The following SHISAL1 variants were observed in gnomAD, a reference collection of about 807,000 sequenced individuals.
SHISAL1 encodes shisa like 1.
A neutral mutation model predicts 22.6 loss-of-function variants in SHISAL1; 9 were observed. That is an observed-to-expected ratio of 0.40 (90% confidence interval 0.24 to 0.70). SHISAL1 has a LOEUF of 0.70. Among genes scored for constraint, SHISAL1 ranks in the 30% least tolerant of loss-of-function variants. The pLI is 0.39. For missense variants in SHISAL1, 246 were observed against 270.6 expected, an observed-to-expected ratio of 0.91 and a Z score of 0.64; for synonymous variants, 119 against 115.4, an observed-to-expected ratio of 1.03 and a Z score of -0.20.
At position 44,247,012 on chromosome 22, in the gene SHISAL1, G is replaced by C. The variant is rs1005877167; in HGVS notation, c.*2673C>G. 1 of 152,432 alleles carries C rather than the reference G, an allele frequency of 6.6e-6. No individual in the cohort carries two copies. Among genetic ancestry groups the C allele is most frequent in the African/African-American group, 2.4e-5 (1 of 41,440 alleles). The allele number at this position is 152,432 out of a possible 1,614,324, so 9.4% of individuals were successfully genotyped here. On this transcript the variant is annotated 3_prime_UTR_variant, in exon 5 of 5. Coordinates refer to ENST00000381176, the MANE Select transcript of SHISAL1 (RefSeq NM_001099294.2). The stretch of plus-strand genomic sequence containing the variant: ...TATTCCTGAAAAGACCTCTTGCGGG[G>C]AGGGGGGCAGGCAGGAGGAATGTCC...
At chr22:44,317,888 T>C (rs2055568116), upstream of SHISAL1, among the ~76,000 whole-genome samples, 1 of 152,220 alleles carries the variant, frequency 6.6e-6, no homozygotes, top group Non-Finnish European at 1.5e-5. Flanking sequence ...AGTTTGCACT[T>C]TGGAAGCAAC....
At chr22:44,261,077 T>TATATATATATA (rs1555925738) in intron 4 of SHISAL1, among the ~76,000 whole-genome samples, 1 of 108,746 alleles carries the variant, frequency 9.2e-6, no homozygotes, top group Non-Finnish European at 1.8e-5. Flanking sequence ...CTTCATTACT[T>TATATATATATA]TATATATATA....
At position 44,282,066 on chromosome 22, in the gene SHISAL1, C is replaced by T. The variant is rs117726083; in HGVS notation, c.599+3362G>A. On this transcript the variant is annotated intron_variant, in intron 4 of 4. Transcript: ENST00000381176. ...GCTGTGTGGGGCTGAGCCACTGCCG[C>T]CAGGGCCTTCAATACTGCTGTTCAG... 8.2e-4 allele frequency among the ~76,000 whole-genome samples: 125 copies of T among 152,350 alleles called. 2 individuals carry two copies. In the East Asian group the frequency reaches 0.02, roughly 25 times the overall value.
intron 4 of SHISAL1, among the ~76,000 whole-genome samples, chr22:44,258,364 C>T (rs945685481): frequency 2.0e-5 from 3 of 152,180 alleles, no homozygotes; most frequent in African/African-American, 7.2e-5. Context: ...AGGTTTGTGA[C>T]ACAGCTAAAC....
rs1182673313 is a variant in SHISAL1 at position 44,245,840 on chromosome 22, T to G, written c.*3845A>C. The G allele has an allele frequency of 6.6e-6, 1 of 152,252 alleles. No homozygotes were observed. Among genetic ancestry groups the G allele is most frequent in the Admixed American group, 6.5e-5 (1 of 15,292 alleles). The allele number at this position is 152,252 out of a possible 1,614,324, so 9.4% of individuals were successfully genotyped here. On this transcript the variant is annotated 3_prime_UTR_variant, in exon 5 of 5. Transcript: ENST00000381176. ...ATTCCCAAGTCCTCCTCTTCAGCTC[T>G]GGGCCAAAATTTGACTGAATCTTTC...
In SHISAL1 at chr22:44,244,906, C is replaced by T. The variant is rs2054985617; in HGVS notation, c.*4779G>A. On this transcript the variant is annotated 3_prime_UTR_variant, in exon 5 of 5. Transcript: ENST00000381176. ...CACAACCACCAAAGTTGTTTGCGTGCATTTAAGCACCAGCGTGGGACGTGT... is the reference window on the plus strand; with the variant it reads ...CACAACCACCAAAGTTGTTTGCGTGTATTTAAGCACCAGCGTGGGACGTGT... The T allele has an allele frequency of 1.3e-5, 2 of 152,386 alleles. No homozygotes were observed. Among genetic ancestry groups the T allele is most frequent in the African/African-American group, 4.8e-5 (2 of 41,590 alleles). 9.4% of individuals were successfully genotyped at this position (152,386 alleles called of 1,614,324 possible).
intron 1 of SHISAL1, among the ~76,000 whole-genome samples, chr22:44,306,432 C>T (rs991810617): frequency 5.0e-5 from 7 of 141,388 alleles, no homozygotes; most frequent in African/African-American, 1.8e-4. Flanking sequence ...GGGACCTGGG[C>T]TCAGGGGGCT....
intron 4 of SHISAL1, among the ~76,000 whole-genome samples, chr22:44,251,893 CT>C (rs1287838526): frequency 6.6e-6 from 1 of 152,110 alleles, no homozygotes; most frequent in African/African-American, 2.4e-5. Context: ...CTTATTGCCC[CT>C]GAACCGTATA....
At chr22:44,272,433 G>C (rs181270596) in intron 4 of SHISAL1, among the ~76,000 whole-genome samples, 13 of 152,154 alleles carry the variant, frequency 8.5e-5, no homozygotes, top group African/African-American at 3.1e-4. Flanking sequence ...TCATCTTTCT[G>C]TTCCCAGCAC....
intron 4 of SHISAL1, among the ~76,000 whole-genome samples, chr22:44,276,161 G>A (rs1218975780): frequency 6.6e-6 from 1 of 152,190 alleles, no homozygotes; most frequent in Non-Finnish European, 1.5e-5. Context: ...GGAGGTGGCT[G>A]CTTCTATTTT....
chr22:44,304,238 G>A (rs577007384), intron 1 of SHISAL1, among the ~76,000 whole-genome samples: 1 of 151,846 alleles, frequency 6.6e-6, no homozygotes, highest in South Asian at 2.1e-4. Flanking sequence ...TGGGCAGGCA[G>A]AAAGGAAAGC....
At chr22:44,298,227 T>C (rs2055401377) in intron 2 of SHISAL1, among the ~76,000 whole-genome samples, 1 of 152,236 alleles carries the variant, frequency 6.6e-6, no homozygotes, top group South Asian at 2.1e-4. Flanking sequence ...TAGAGGTTAT[T>C]AGAGAGCCCC....
At chr22:44,323,866 G>T in the SHISAL1 span, among the ~76,000 whole-genome samples, 1 of 152,248 alleles carries the variant, frequency 6.6e-6, no homozygotes, top group African/African-American at 2.4e-5. Flanking sequence ...TAGCAGTGGT[G>T]ATAATAATTC....
intron 4 of SHISAL1, among the ~76,000 whole-genome samples, chr22:44,254,305 T>C (rs764799020): frequency 6.6e-6 from 1 of 151,772 alleles, no homozygotes; most frequent in African/African-American, 2.4e-5. Context: ...AGAAATGGAG[T>C]TAACAGCAAA....
At chr22:44,261,099 A>ATATATATAT (rs2055120697) in intron 4 of SHISAL1, among the ~76,000 whole-genome samples, 1 of 129,568 alleles carries the variant, frequency 7.7e-6, no homozygotes, top group African/African-American at 3.6e-5. Flanking sequence ...ATATATATAT[A>ATATATATAT]CACTATATGG....
At chr22:44,253,215 G>C (rs2055061011) in intron 4 of SHISAL1, among the ~76,000 whole-genome samples, 1 of 151,848 alleles carries the variant, frequency 6.6e-6, no homozygotes, top group African/African-American at 2.4e-5. Flanking sequence ...ATAAATCAGG[G>C]GTCATAATCT....
Position 44,249,086 on chromosome 22 carries a change from C to G in SHISAL1, c.*599G>C, listed in dbSNP as rs1024723836. 3.9e-5 allele frequency: 6 copies of G among 152,066 alleles called. No individual in the cohort carries two copies. The highest frequency in any genetic ancestry group is 1.5e-4 in the African/African-American group (6 of 41,320). The allele number at this position is 152,066 out of a possible 1,614,324, so 9.4% of individuals were successfully genotyped here. A position where few individuals can be genotyped will look rare whatever the true frequency, so the allele number is the denominator to read the frequency against. ...CAGAGGGGCCGTACCCTGTGCTTAG[C>G]AATAAGCTTGCGGCTCGGACATTGA... On this transcript the variant is annotated 3_prime_UTR_variant, in exon 5 of 5. Coordinates refer to ENST00000381176, the MANE Select transcript of SHISAL1 (RefSeq NM_001099294.2).
chr22:44,252,498 G>A lies in SHISAL1; in HGVS notation c.*-2813C>T, dbSNP rs566559202. ...CAGAAAATAAAACAAAGACAACAGA[G>A]ACCATATGGTAAAAATTGACAACCC... On this transcript the variant is annotated intron_variant, in intron 4 of 4. Coordinates refer to ENST00000381176, the MANE Select transcript of SHISAL1 (RefSeq NM_001099294.2). 3.3e-5 allele frequency among the ~76,000 whole-genome samples: 5 copies of A among 151,928 alleles called. No individual in the cohort carries two copies. In the South Asian group the frequency reaches 1.0e-3, roughly 32 times the overall value.
chr22:44,325,088 C>T, the SHISAL1 span, among the ~76,000 whole-genome samples: 26 of 152,106 alleles, frequency 1.7e-4, no homozygotes, highest in Admixed American at 1.7e-3. Context: ...ACTAAAACTA[C>T]AAAAATTAGC....
Sources: gnomAD v4.1 joint callset for allele counts (sites outside exome capture counted in the v4.1 genomes callset) on GRCh38, gnomAD v4.1.1 for gene constraint, MANE v1.5 for transcripts, NCBI Gene and HGNC (gene_info 2026-07-23, HGNC 2026-07-21) for gene names.